The following DLC1 variants were observed in gnomAD, a reference collection of about 807,000 sequenced individuals.
The protein encoded by DLC1 is rho GTPase-activating protein 7.
A neutral mutation model predicts 140.3 loss-of-function variants in DLC1; 54 were observed. That is an observed-to-expected ratio of 0.38 (90% CI 0.31 to 0.48). DLC1 has a LOEUF of 0.48. Among genes scored for constraint, DLC1 ranks in the 20% least tolerant of loss-of-function variants. The pLI is 0.96. For missense variants in DLC1, 2,536 were observed against 1,907.0 expected (o/e 1.33, Z -6.14); for synonymous variants, 986 against 728.1 (o/e 1.35, Z -5.70).
chr8:13,321,108 A>C (rs981678176), intron 4 of DLC1, among the ~76,000 whole-genome samples: 1 of 152,210 alleles, frequency 6.6e-6, no homozygotes, highest in African/African-American at 2.4e-5. Flanking sequence ...ACACAAATGG[A>C]CTAAGCCGAT....
At chr8:13,090,526 T>C (rs1344221338) in intron 14 of DLC1, 56 bp from the exon 15 acceptor site, 24 of 1,585,688 alleles carry the variant, frequency 1.5e-5, no homozygotes, top group Non-Finnish European at 1.7e-5. Context: ...TCAATCTCAA[T>C]GCCCATCAGT....
chr8:13,298,062 C>T (rs1832035798), intron 5 of DLC1, among the ~76,000 whole-genome samples: 1 of 152,114 alleles, frequency 6.6e-6, no homozygotes, highest in Non-Finnish European at 1.5e-5. Context: ...TGTTTCATTT[C>T]TATTTTCTGT....
rs940366004 is a variant in DLC1, at chr8:13,416,251, A to G, written c.1024-14632T>C. Among the ~76,000 whole-genome samples the G allele has an allele frequency of 6.6e-5, 10 of 152,194 alleles. No homozygotes were observed. In the East Asian group the frequency reaches 1.3e-3, roughly 20 times the overall value. ...CTCATAGAACTTGTTACATATGCAA[A>G]TATCACTCTATAGCAATTTAAAAAA... On this transcript the variant is annotated intron_variant, in intron 2 of 17. Transcript: ENST00000276297.
At chr8:13,401,404 G>A (rs1837289603) in intron 3 of DLC1, 66 bp downstream of exon 3, 1 of 1,565,476 alleles carries the variant, frequency 6.4e-7, no homozygotes, top group Non-Finnish European at 8.7e-7. Flanking sequence ...GCCTTTGCAA[G>A]AGGGACTGTA....
At chr8:13,143,880 G>A (rs1259892644) in intron 5 of DLC1, among the ~76,000 whole-genome samples, 3 of 148,986 alleles carry the variant, frequency 2.0e-5, no homozygotes, top group Non-Finnish European at 3.0e-5. Context: ...TTTTCCAGCC[G>A]TTTCAGCCCA....
chr8:13,091,242 A>T, intron 14 of DLC1, 76 bp downstream of exon 14: 2 of 1,457,300 alleles, frequency 1.4e-6, no homozygotes, highest in Non-Finnish European at 1.9e-6. Context: ...GTAAGACATG[A>T]ACAAGGGTCA....
At chr8:13,144,310 C>G (rs1357335514) in intron 5 of DLC1, among the ~76,000 whole-genome samples, 4 of 152,160 alleles carry the variant, frequency 2.6e-5, no homozygotes, top group Admixed American at 2.0e-4. Flanking sequence ...GGATCTTAGG[C>G]CTTCAACCTC....
chr8:13,267,913 T>C (rs1830757315), intron 5 of DLC1, among the ~76,000 whole-genome samples: 1 of 152,200 alleles, frequency 6.6e-6, no homozygotes, highest in Non-Finnish European at 1.5e-5. Context: ...CTTTTCACTA[T>C]GTCTTGGTGA....
At chr8:13,278,360 A>G (rs958699879) in intron 5 of DLC1, among the ~76,000 whole-genome samples, 2 of 152,174 alleles carry the variant, frequency 1.3e-5, no homozygotes, top group Non-Finnish European at 2.9e-5. Context: ...AGCGTGTTGA[A>G]TCATGTCATC....
chr8:13,590,086 T>A lies in DLC1; in HGVS notation c.-126+14451A>T, dbSNP rs78028071. On this transcript the variant is annotated intron_variant, in intron 1 of 1. Coordinates refer to the DLC1 transcript ENST00000631382. ...GCATATATATATATATACAAACACA[T>A]GCTTTTATTTTGTTTTATTTTCCCC... is the stretch of plus-strand genomic sequence containing the variant. Among the ~76,000 whole-genome samples, 241 of 151,586 alleles carry A rather than the reference T, an allele frequency of 1.6e-3. 3 individuals are homozygous for A. Among genetic ancestry groups the A allele is most frequent in the African/African-American group, 5.5e-3 (227 of 41,392 alleles).
At chr8:13,305,070 C>G in intron 5 of DLC1, 199 bp downstream of exon 5, 2 of 1,240,864 alleles carry the variant, frequency 1.6e-6, no homozygotes, top group Non-Finnish European at 2.0e-6. Flanking sequence ...TATTCTAACA[C>G]AATGTCATTA....
intron 4 of DLC1, among the ~76,000 whole-genome samples, chr8:13,310,586 G>A (rs1832632875): frequency 6.6e-6 from 1 of 152,196 alleles, no homozygotes; most frequent in Admixed American, 6.5e-5. Context: ...AGACATGAAA[G>A]ACAGCATGAA....
chr8:13,498,392 G>C (rs1801612773), intron 2 of DLC1, among the ~76,000 whole-genome samples: 1 of 152,166 alleles, frequency 6.6e-6, no homozygotes, highest in Non-Finnish European at 1.5e-5. Flanking sequence ...TTTAGAATTA[G>C]TCAAAGGGGC....
chr8:13,511,963 T>C (rs1802385787), intron 1 of DLC1, among the ~76,000 whole-genome samples: 1 of 152,106 alleles, frequency 6.6e-6, no homozygotes, highest in African/African-American at 2.4e-5. Flanking sequence ...ATCCCATAAG[T>C]ATTTGTAGTG....
chr8:13,344,468 G>C (rs1834225677), intron 4 of DLC1, among the ~76,000 whole-genome samples: 1 of 152,136 alleles, frequency 6.6e-6, no homozygotes, highest in African/African-American at 2.4e-5. Flanking sequence ...ACTCTAGCCT[G>C]GGCAACAAGA....
intron 5 of DLC1, among the ~76,000 whole-genome samples, chr8:13,258,162 C>T (rs1246955032): frequency 6.6e-6 from 1 of 152,054 alleles, no homozygotes; most frequent in East Asian, 1.9e-4. Flanking sequence ...CATTCCAGTC[C>T]CTGAAGATTA....
intron 2 of DLC1, among the ~76,000 whole-genome samples, chr8:13,492,093 G>A (rs1161179994): frequency 6.6e-6 from 1 of 152,124 alleles, no homozygotes; most frequent in Non-Finnish European, 1.5e-5. Flanking sequence ...GGTATAGAGA[G>A]AACTGAGCAA....
At chr8:13,518,949 T>G (rs114245041), upstream of DLC1, among the ~76,000 whole-genome samples, 3,531 of 152,148 alleles carry the variant, frequency 0.023, 129 homozygotes, top group African/African-American at 0.076. Flanking sequence ...GCTTTACATG[T>G]GTTTTCTTTT....
At chr8:13,589,538 C>A (rs1805446655) in intron 1 of DLC1, among the ~76,000 whole-genome samples, 1 of 152,040 alleles carries the variant, frequency 6.6e-6, no homozygotes, top group Non-Finnish European at 1.5e-5. Flanking sequence ...GAAAATTCAA[C>A]TATGACATCA....
Sources: gnomAD v4.1 joint callset for allele counts (sites outside exome capture counted in the v4.1 genomes callset) on GRCh38, gnomAD v4.1.1 for gene constraint, MANE v1.5 for transcripts, NCBI Gene and HGNC (gene_info 2026-07-23, HGNC 2026-07-21) for gene names.